Variants in IGF2R observed in about 807,000 individuals in gnomAD.
IGF2R encodes insulin like growth factor 2 receptor.
Under a neutral mutation model 270.6 loss-of-function variants are expected in IGF2R, and 91 were observed. The ratio of observed to expected loss-of-function variants is 0.34; its 90% CI spans 0.28 to 0.40. The LOEUF is 0.40. Among genes scored for constraint, IGF2R ranks in the 10% least tolerant of loss-of-function variants. IGF2R has a pLI of 1.00. For synonymous variants in IGF2R, 1,316 were observed against 1,258.9 expected (o/e 1.05, Z -0.96); for missense variants, 2,805 against 3,188.3 (o/e 0.88, Z 2.90).
At chr6:160,005,182 TA>T (rs1234518000) in intron 2 of IGF2R, 1 of 152,250 alleles carries the variant, frequency 6.6e-6, no homozygotes, top group African/African-American at 2.4e-5. Flanking sequence ...AACAGCTTTG[TA>T]CATAAAAGAT....
rs776131275 is a variant in IGF2R, at chr6:160,061,523, G to A, written c.3283G>A (p.Asp1095Asn). Reference protein sequence around the residue: ...QVTDLAGNEYDLTGLSTVRKP... With the variant: ...QVTDLAGNEYNLTGLSTVRKP... ...TTCAGACCTGGCTGGAAATGAGTAC[G>A]ACCTGACTGGCCTAAGCACAGTCAG... The change falls in exon 24 of 48, where the codon GAC (aspartate) becomes AAC (asparagine). Residue 1095 changes from aspartate to asparagine, a missense_variant. By Grantham distance (23) the Asp-to-Asn change is conservative (BLOSUM62 1). This residue lies in a region of IGF2R where 1,851 missense variants were observed against 2,207.2 expected (regional missense o/e 0.84). Coordinates refer to ENST00000356956, the MANE Select transcript of IGF2R (RefSeq NM_000876.4). The A allele has an allele frequency of 1.2e-6, 2 of 1,614,084 alleles. No homozygotes were observed. Among genetic ancestry groups the A allele is most frequent in the Non-Finnish European group, 1.7e-6 (2 of 1,179,982 alleles).
chr6:160,072,156 G>A, intron 32 of IGF2R, 120 bp downstream of exon 32: 1 of 1,234,094 alleles, frequency 8.1e-7, no homozygotes, highest in Admixed American at 2.0e-5. Context: ...CCTGGGCAGA[G>A]GTGTCATGGT....
intron 1 of IGF2R, among the ~76,000 whole-genome samples, chr6:159,980,165 A>G (rs1401598687): frequency 7.0e-6 from 1 of 142,632 alleles, no homozygotes; most frequent in Non-Finnish European, 1.6e-5. Context: ...TGGGCAACAC[A>G]GTGAGACTCC....
chr6:160,012,815 C>T (rs1035876820), intron 4 of IGF2R, among the ~76,000 whole-genome samples: 6 of 142,210 alleles, frequency 4.2e-5, no homozygotes, highest in Non-Finnish European at 7.6e-5. Context: ...TTTGTAGAGA[C>T]GGGGTTTCTC....
chr6:160,033,710 GT>G (rs974457189), intron 9 of IGF2R, among the ~76,000 whole-genome samples: 1 of 152,172 alleles, frequency 6.6e-6, no homozygotes, highest in Non-Finnish European at 1.5e-5. Context: ...AGTTGATAGG[GT>G]TTTTTATTTT....
rs1779359655 is a variant in IGF2R at position 160,096,421 on chromosome 6, G to A, written c.6656-18G>A. The A allele has an allele frequency of 1.2e-6, 2 of 1,603,208 alleles. No homozygotes were observed. The highest frequency in any genetic ancestry group is 4.5e-5 in the East Asian group (2 of 44,570). On this transcript the variant is annotated intron_variant, in intron 44 of 47. Transcript: ENST00000356956. Reference sequence around the variant, plus strand: ...AAAATGATGGTGACATGCCATGTGTGCCCTTCCCGTTTGACAGACGGCGAT... The same window carrying A: ...AAAATGATGGTGACATGCCATGTGTACCCTTCCCGTTTGACAGACGGCGAT...
chr6:160,077,386 A>G lies in IGF2R; in HGVS notation c.5317-815A>G, dbSNP rs78231009. 7.5e-3 allele frequency among the ~76,000 whole-genome samples: 1,142 copies of G among 152,198 alleles called. 11 individuals are homozygous for G. The highest frequency in any genetic ancestry group is 0.026 in the African/African-American group (1,076 of 41,498). ...AGGACAGTCTTCACTTCTAAGACCC[A>G]CCTCATCATGAGTGATGCTTTGTTA... On this transcript the variant is annotated intron_variant, in intron 36 of 47. Transcript: ENST00000356956.
At chr6:160,079,266 G>A (rs1778922338) in intron 37 of IGF2R, among the ~76,000 whole-genome samples, 1 of 152,216 alleles carries the variant, frequency 6.6e-6, no homozygotes, top group African/African-American at 2.4e-5. Context: ...AGGGAGGTGG[G>A]GTGACCCCAC....
intron 30 of IGF2R, among the ~76,000 whole-genome samples, chr6:160,068,702 T>C (rs1315789370): frequency 6.6e-6 from 1 of 151,966 alleles, no homozygotes; most frequent in Non-Finnish European, 1.5e-5. Flanking sequence ...GAGGGCCTCC[T>C]CGTGGGATGG....
At chr6:160,002,154 G>A (rs1234470767) in intron 2 of IGF2R, among the ~76,000 whole-genome samples, 1 of 152,210 alleles carries the variant, frequency 6.6e-6, no homozygotes, top group Non-Finnish European at 1.5e-5. Flanking sequence ...ACTTTGGGAG[G>A]CTGAGGTGGG....
intron 35 of IGF2R, 134 bp from the exon 36 acceptor site, chr6:160,075,713 C>T (rs1778841921): frequency 2.5e-6 from 2 of 813,728 alleles, no homozygotes; most frequent in Non-Finnish European, 2.0e-6. Flanking sequence ...GGTATAAACC[C>T]AGTTTCTTTA....
At position 160,087,272 on chromosome 6, in the gene IGF2R, G is replaced by T. The variant is rs538776367; in HGVS notation, c.6206-761G>T. 5.9e-5 allele frequency among the ~76,000 whole-genome samples: 9 copies of T among 152,274 alleles called. No individual in the cohort carries two copies. In the South Asian group the frequency reaches 1.9e-3, roughly 32 times the overall value. ...TTATTACTGGGAGGCTCACATGAGG[G>T]TACCTGTCAGGAAAGCACCTAATAT... On this transcript the variant is annotated intron_variant, in intron 41 of 47. Transcript: ENST00000356956.
chr6:160,050,564 A>G lies in IGF2R; in HGVS notation c.2606A>G (p.Tyr869Cys), dbSNP rs1179226963. 3 of 1,614,152 alleles carry G rather than the reference A, an allele frequency of 1.9e-6. No homozygotes were observed. Among genetic ancestry groups the G allele is most frequent in the Non-Finnish European group, 2.5e-6 (3 of 1,179,994 alleles). ...VEDSGSLLLEYVNGSACTTSD... is the reference protein window; with the variant it reads ...VEDSGSLLLECVNGSACTTSD... Reference sequence around the variant, plus strand: ...GACAGCGGCAGCCTCCTTCTGGAATACGTGAATGGGTCGGCCTGCACCACC... The same window carrying G: ...GACAGCGGCAGCCTCCTTCTGGAATGCGTGAATGGGTCGGCCTGCACCACC... Residue 869 changes from tyrosine (Y) to cysteine (C), a missense_variant, in exon 19 of 48, where the codon TAC (tyrosine) becomes TGC (cysteine). Tyr to Cys is a radical substitution (Grantham distance 194, BLOSUM62 -2). Coordinates refer to ENST00000356956, the MANE Select transcript of IGF2R (RefSeq NM_000876.4). The surrounding 1 kb of genome is among the most constrained non-coding windows in gnomAD (Gnocchi z 4.0).
intron 19 of IGF2R, among the ~76,000 whole-genome samples, chr6:160,054,007 C>T (rs1346133301): frequency 6.6e-6 from 1 of 152,182 alleles, no homozygotes; most frequent in African/African-American, 2.4e-5. Flanking sequence ...GTATGAGCCA[C>T]CATACACAGC....
intron 1 of IGF2R, among the ~76,000 whole-genome samples, chr6:159,969,984 C>T (rs985481866): frequency 2.0e-5 from 3 of 151,810 alleles, no homozygotes; most frequent in African/African-American, 7.3e-5. Context: ...CTTTTGTCTT[C>T]TTTAGATTGG....
Position 160,090,085 on chromosome 6 carries a change from A to G in IGF2R, c.6637A>G (p.Thr2213Ala). Residue 2213 changes from threonine to alanine, a missense_variant, in exon 44 of 48, where the codon ACC becomes GCC. Thr to Ala is a moderately conservative substitution (Grantham distance 58). Transcript: ENST00000356956. Reference sequence around the variant, plus strand: ...TCGGAAAGTTGGAACCTCTGACAAGACCAAGTACTACCTTCAAGGTAATCC... The same window carrying G: ...TCGGAAAGTTGGAACCTCTGACAAGGCCAAGTACTACCTTCAAGGTAATCC... ...FSRKVGTSDKTKYYLQDGDLD... is the reference protein window; with the variant it reads ...FSRKVGTSDKAKYYLQDGDLD... The G allele has an allele frequency of 6.5e-7, 1 of 1,549,004 alleles. No homozygotes were observed. Among genetic ancestry groups the G allele is most frequent in the Non-Finnish European group, 8.7e-7 (1 of 1,146,364 alleles).
At chr6:160,032,412 C>A in intron 7 of IGF2R, 139 bp from the exon 8 acceptor site, 1 of 665,330 alleles carries the variant, frequency 1.5e-6, no homozygotes, top group Non-Finnish European at 2.5e-6. Context: ...GTGTTAGAGG[C>A]AATTATGATT....
In IGF2R at chr6:160,073,964, G is replaced by A. The variant is rs370221567; in HGVS notation, c.5155G>A (p.Gly1719Ser). Residue 1719 changes from glycine (G) to serine (S), a missense_variant, in exon 35 of 48, where the codon GGT becomes AGT. Physicochemically the swap from Gly to Ser is moderately conservative, Grantham distance 56. This residue lies in a region of IGF2R where 1,851 missense variants were observed against 2,207.2 expected (regional missense o/e 0.84). Transcript: ENST00000356956. ...CGCTGTGTGCAAAGTTCCTATTGAT[G>A]GTCCCCCCATAGTAAGTATGACAAA... ...GAAVCKVPIDGPPIDIGRVAG... is the reference protein window; with the variant it reads ...GAAVCKVPIDSPPIDIGRVAG... The A allele has an allele frequency of 6.8e-6, 11 of 1,611,222 alleles. No individual in the cohort carries two copies. The highest frequency in any genetic ancestry group is 2.7e-5 in the African/African-American group (2 of 74,864).
intron 28 of IGF2R, 32 bp from the exon 29 acceptor site, chr6:160,064,772 A>T: frequency 6.9e-7 from 1 of 1,444,222 alleles, no homozygotes; most frequent in Non-Finnish European, 9.7e-7. Context: ...TTGCATTCTC[A>T]CTTTTATATA....
Sources: allele counts gnomAD v4.1 joint callset (sites outside exome capture counted in the v4.1 genomes callset), GRCh38; gene constraint gnomAD v4.1.1; regional missense constraint gnomAD v4.1.1; non-coding constraint Gnocchi (gnomAD v3.1); transcripts MANE v1.5; gene names NCBI Gene and HGNC (gene_info 2026-07-23, HGNC 2026-07-21).